Variants in TP53BP1 observed in about 807,000 individuals in gnomAD.
TP53BP1 encodes the protein TP53-binding protein 1.
Under a neutral mutation model 200.8 loss-of-function variants are expected in TP53BP1, and 61 were observed. The ratio of observed to expected loss-of-function variants is 0.30; its 90% CI spans 0.25 to 0.38. TP53BP1 has a LOEUF of 0.38. Among genes scored for constraint, TP53BP1 ranks in the 10% least tolerant of loss-of-function variants. TP53BP1 has a pLI of 1.00. For missense variants in TP53BP1, 2,144 were observed against 2,371.9 expected, an observed-to-expected ratio of 0.90 and a Z score of 2.00; for synonymous variants, 822 against 844.3, an observed-to-expected ratio of 0.97 and a Z score of 0.46.
chr15:43,415,946 T>G (rs979435628), intron 22 of TP53BP1, 137 bp from the exon 23 acceptor site: 2 of 767,336 alleles, frequency 2.6e-6, no homozygotes, highest in Non-Finnish European at 4.2e-6. Context: ...AGCTTCTTTT[T>G]AAGGCCATAT....
At chr15:43,426,519 G>T (rs1185652250) in intron 18 of TP53BP1, among the ~76,000 whole-genome samples, 5 of 149,768 alleles carry the variant, frequency 3.3e-5, no homozygotes, top group Admixed American at 6.6e-5. Flanking sequence ...TGAATAATCT[G>T]TGGATAGTAA....
intron 18 of TP53BP1, 34 bp from the exon 19 acceptor site, chr15:43,422,160 A>G (rs1266344643): frequency 1.2e-6 from 2 of 1,600,230 alleles, no homozygotes; most frequent in Non-Finnish European, 1.7e-6. Flanking sequence ...AAGATAAAAG[A>G]TGCCATAATA....
chr15:43,464,119 G>C (rs2140072405), intron 11 of TP53BP1, among the ~76,000 whole-genome samples: 1 of 152,230 alleles, frequency 6.6e-6, no homozygotes, highest in South Asian at 2.1e-4. Flanking sequence ...CACCCACTCA[G>C]AACTACTAAT....
Position 43,415,731 on chromosome 15 carries a change from C to A in TP53BP1, c.4952G>T (p.Ser1651Ile). 6.2e-7 allele frequency: 1 copy of A among 1,614,172 alleles called. No homozygotes were observed. The highest frequency in any genetic ancestry group is 1.6e-4 in the Middle Eastern group (1 of 6,062). The stretch of plus-strand genomic sequence containing the variant: ...TGTGATCTTTCGGGTAGGGGTTGTG[C>A]TGCTGCTACTGGAGGCAGTAGGGGT... ...PATPTASSSSSTTPTRKITES... is the reference protein window; with the variant it reads ...PATPTASSSSITTPTRKITES... Residue 1651 changes from serine to isoleucine, a missense_variant, in exon 23 of 28, where the codon AGC becomes ATC. Physicochemically the swap from Ser to Ile is moderately radical, Grantham distance 142. Coordinates refer to ENST00000382044, the MANE Select transcript of TP53BP1 (RefSeq NM_001141980.3).
intron 24 of TP53BP1, chr15:43,412,803 T>C (rs1026681938): frequency 1.6e-5 from 8 of 487,810 alleles, no homozygotes; most frequent in Non-Finnish European, 2.5e-5. Context: ...GGTTTGTCAT[T>C]ATTGTGGACA....
intron 9 of TP53BP1, among the ~76,000 whole-genome samples, 200 bp from the exon 10 acceptor site, chr15:43,474,967 G>A (rs888217580): frequency 6.6e-6 from 1 of 152,176 alleles, no homozygotes; most frequent in Non-Finnish European, 1.5e-5. Context: ...AGACATTTCT[G>A]TTGTAAAATA....
At chr15:43,451,070 T>C (rs1008338477) in intron 12 of TP53BP1, among the ~76,000 whole-genome samples, 5 of 152,142 alleles carry the variant, frequency 3.3e-5, no homozygotes, top group East Asian at 1.9e-4. Flanking sequence ...AATCAATAAA[T>C]CTATTAACAA....
At position 43,455,898 on chromosome 15, in the gene TP53BP1, AACTTTC is replaced by A; in HGVS notation, c.2704_2709del (p.Glu902_Ser903del). On this transcript the variant is annotated inframe_deletion, in exon 12 of 28. Coordinates refer to ENST00000382044, the MANE Select transcript of TP53BP1 (RefSeq NM_001141980.3). ...AATCTACAATCACACTCACCACTAG[AACTTTC>A]ACAGAAGCTTTGTGAGGCATGGGCA... is the stretch of plus-strand genomic sequence containing the variant. 6.2e-7 allele frequency: 1 copy of A among 1,614,008 alleles called. No individual in the cohort carries two copies. The highest frequency in any genetic ancestry group is 8.5e-7 in the Non-Finnish European group (1 of 1,179,994).
At chr15:43,461,043 G>A (rs1431370192) in intron 11 of TP53BP1, among the ~76,000 whole-genome samples, 1 of 151,318 alleles carries the variant, frequency 6.6e-6, no homozygotes, top group East Asian at 1.9e-4. Flanking sequence ...TTTCTAAATG[G>A]CAATTTAGCA....
intron 18 of TP53BP1, among the ~76,000 whole-genome samples, chr15:43,427,134 A>T (rs2045558484): frequency 6.6e-6 from 1 of 152,176 alleles, no homozygotes; most frequent in South Asian, 2.1e-4. Context: ...AAATCTGTCT[A>T]ATCTCTCTCA....
chr15:43,453,298 T>G (rs2046216117), intron 12 of TP53BP1, among the ~76,000 whole-genome samples: 1 of 150,148 alleles, frequency 6.7e-6, no homozygotes, highest in East Asian at 2.0e-4. Context: ...TATTTAAACA[T>G]AATACAATTA....
chr15:43,476,612 A>G (rs970545906), intron 8 of TP53BP1, among the ~76,000 whole-genome samples: 2 of 152,220 alleles, frequency 1.3e-5, no homozygotes, highest in Admixed American at 1.3e-4. Context: ...GTGTAAAAGA[A>G]TTTCTTAAAT....
At chr15:43,469,715 AG>A (rs1332527825) in intron 11 of TP53BP1, 142 bp downstream of exon 11, 1 of 719,178 alleles carries the variant, frequency 1.4e-6, no homozygotes, top group African/African-American at 1.8e-5. Context: ...TTGTGACGAC[AG>A]CTTCACAACT....
intron 11 of TP53BP1, among the ~76,000 whole-genome samples, chr15:43,465,710 C>G (rs902294272): frequency 4.6e-5 from 7 of 152,068 alleles, no homozygotes; most frequent in Admixed American, 4.6e-4. Context: ...ACACTGGGAA[C>G]GAAGAGAAAA....
upstream of TP53BP1, among the ~76,000 whole-genome samples, chr15:43,494,914 C>A (rs1264130226): frequency 6.6e-6 from 1 of 152,162 alleles, no homozygotes; most frequent in African/African-American, 2.4e-5. Context: ...AATGGCTGGG[C>A]GCAGTGGCTT....
intron 11 of TP53BP1, among the ~76,000 whole-genome samples, chr15:43,462,659 A>C (rs1220857801): frequency 6.6e-6 from 1 of 152,204 alleles, no homozygotes; most frequent in Non-Finnish European, 1.5e-5. Flanking sequence ...TGTTGCAAAA[A>C]ATAAGTCATT....
chr15:43,417,937 T>C (rs1231445629), intron 21 of TP53BP1, among the ~76,000 whole-genome samples: 1 of 152,114 alleles, frequency 6.6e-6, no homozygotes, highest in Admixed American at 6.6e-5. Flanking sequence ...CCCAGCACTT[T>C]GGGAGGCTGG....
At chr15:43,446,949 C>T (rs2046055607) in intron 13 of TP53BP1, 1 of 576,456 alleles carries the variant, frequency 1.7e-6, no homozygotes, top group Admixed American at 2.3e-5. Context: ...TAGAAGACTA[C>T]TGGCTGCTTC....
At chr15:43,494,718 A>G (rs2079170254), upstream of TP53BP1, among the ~76,000 whole-genome samples, 1 of 152,202 alleles carries the variant, frequency 6.6e-6, no homozygotes, top group Non-Finnish European at 1.5e-5. Context: ...CATCTGCTCT[A>G]TTTGAGAGGG....
Sources: gnomAD v4.1 joint callset for allele counts (sites outside exome capture counted in the v4.1 genomes callset) on GRCh38, gnomAD v4.1.1 for gene constraint, MANE v1.5 for transcripts, NCBI Gene and HGNC (gene_info 2026-07-23, HGNC 2026-07-21) for gene names.